Variants in SUGCT observed in about 807,000 individuals in gnomAD.
SUGCT encodes succinyl-CoA:glutarate CoA-transferase.
SUGCT carries 41 observed loss-of-function variants against 55.0 expected under a neutral mutation model. That is an observed-to-expected ratio of 0.74 (90% CI 0.58 to 0.97). SUGCT has a LOEUF of 0.97. SUGCT is among the 50% of genes least tolerant of loss of function. SUGCT has a pLI of 0.00. For synonymous variants in SUGCT, 187 were observed against 200.4 expected, an observed-to-expected ratio of 0.93 and a Z score of 0.56; for missense variants, 568 against 547.8, an observed-to-expected ratio of 1.04 and a Z score of -0.37.
chr7:41,031,376 G>A, the SUGCT span, among the ~76,000 whole-genome samples: 1 of 151,988 alleles, frequency 6.6e-6, no homozygotes, highest in African/African-American at 2.4e-5. Flanking sequence ...AAAAAGGACT[G>A]AGAAAGAAAA....
chr7:40,786,186 G>C (rs1411679198), intron 13 of SUGCT, among the ~76,000 whole-genome samples: 1 of 152,148 alleles, frequency 6.6e-6, no homozygotes, highest in Non-Finnish European at 1.5e-5. Flanking sequence ...AAATATTGAT[G>C]AAGGCTTGTG....
intron 12 of SUGCT, among the ~76,000 whole-genome samples, chr7:40,537,449 G>A (rs1794426527): frequency 6.6e-6 from 1 of 151,966 alleles, no homozygotes; most frequent in Non-Finnish European, 1.5e-5. Context: ...CTAATTACTT[G>A]AACATAATTC....
chr7:40,831,305 C>T (rs1450031927), intron 13 of SUGCT, among the ~76,000 whole-genome samples: 2 of 152,134 alleles, frequency 1.3e-5, no homozygotes, highest in Admixed American at 6.6e-5. Flanking sequence ...GGACTGTTCC[C>T]CAGCACTTTC....
chr7:40,281,147 TG>T (rs1792926303), intron 8 of SUGCT, among the ~76,000 whole-genome samples: 1 of 152,232 alleles, frequency 6.6e-6, no homozygotes, highest in African/African-American at 2.4e-5. Context: ...GAAACATTTT[TG>T]TGTACCCCTA....
At chr7:40,237,597 C>G (rs1789097030) in intron 6 of SUGCT, 38 bp from the exon 7 acceptor site, 1 of 1,510,212 alleles carries the variant, frequency 6.6e-7, no homozygotes, top group Non-Finnish European at 9.2e-7. Context: ...TTAGCACACC[C>G]TGTGTGGTGC....
intron 12 of SUGCT, among the ~76,000 whole-genome samples, chr7:40,562,747 C>T (rs118002219): frequency 1.5e-4 from 23 of 152,132 alleles, no homozygotes; most frequent in Non-Finnish European, 2.6e-4. Context: ...ACCAATTTCA[C>T]GCTAAGGAAA....
intron 13 of SUGCT, among the ~76,000 whole-genome samples, chr7:40,777,882 T>A (rs1422106251): frequency 6.6e-6 from 1 of 152,166 alleles, no homozygotes; most frequent in East Asian, 1.9e-4. Flanking sequence ...CACATCCTTG[T>A]TTGAATCACA....
Position 40,245,404 on chromosome 7 carries a change from C to CATATATATATATATATATATATAT in SUGCT, c.576+7698_576+7699insATATATATATATATATATATATAT, listed in dbSNP as rs202125224. Among the ~76,000 whole-genome samples the CATATATATATATATATATATATAT allele has an allele frequency of 4.4e-3, 234 of 53,048 alleles. 2 individuals carry two copies. The highest frequency in any genetic ancestry group is 9.3e-3 in the South Asian group (10 of 1,080). 34.8% of individuals were successfully genotyped at this position (53,048 alleles called of 152,430 possible). ...TAAATTTTTATAGGTACGTAGTAGACATATATATATATATATATATTTTTT... is the reference window on the plus strand; with the variant it reads ...TAAATTTTTATAGGTACGTAGTAGACATATATATATATATATATATATATATATATATATATATATATATTTTTT... On this transcript the variant is annotated intron_variant, in intron 7 of 13. Coordinates refer to ENST00000335693, the MANE Select transcript of SUGCT (RefSeq NM_001193313.2).
Position 40,274,625 on chromosome 7 carries a change from T to C in SUGCT, c.689T>C (p.Leu230Pro). 6.2e-7 allele frequency: 1 copy of C among 1,613,704 alleles called. No homozygotes were observed. The highest frequency in any genetic ancestry group is 1.1e-5 in the South Asian group (1 of 91,072). ...LIQKYKTGKG[L>P]FIDCNLLSSQ... ...CAAAAATACAAAACTGGGAAAGGAC[T>C]GTTCATTGATTGTAACCTACTGTCA... The change falls in exon 8 of 14, where the codon CTG becomes CCG. Residue 230 changes from leucine (L) to proline (P), a missense_variant. Transcript: ENST00000335693.
chr7:40,215,658 C>T lies in SUGCT; in HGVS notation c.484+20598C>T, dbSNP rs527713466. On this transcript the variant is annotated intron_variant, in intron 6 of 13. Coordinates refer to ENST00000335693, the MANE Select transcript of SUGCT (RefSeq NM_001193313.2). ...CGGGTGGATCACGAGGTCAGGAGATCGAAACCATCCTGGCTAACACGGTGA... is the reference window on the plus strand; with the variant it reads ...CGGGTGGATCACGAGGTCAGGAGATTGAAACCATCCTGGCTAACACGGTGA... Among the ~76,000 whole-genome samples, 17 of 152,038 alleles carry T rather than the reference C, an allele frequency of 1.1e-4. No individual in the cohort carries two copies. The East Asian group carries it at 2.1e-3, about 19-fold the overall frequency.
intron 12 of SUGCT, among the ~76,000 whole-genome samples, chr7:40,707,001 T>C (rs1785449374): frequency 6.6e-6 from 1 of 152,124 alleles, no homozygotes. Context: ...CCCACCCTCA[T>C]TGTCCACCCT....
chr7:40,849,278 T>G (rs1475999019), intron 13 of SUGCT, among the ~76,000 whole-genome samples: 1 of 152,204 alleles, frequency 6.6e-6, no homozygotes, highest in Non-Finnish European at 1.5e-5. Context: ...TTAGGGTATT[T>G]TCCATTTATT....
chr7:40,705,085 A>T (rs1423278376), intron 12 of SUGCT, among the ~76,000 whole-genome samples: 7 of 152,124 alleles, frequency 4.6e-5, no homozygotes, highest in South Asian at 4.1e-4. Context: ...GTTCTTTTTT[A>T]AAAAAGGATT....
At chr7:41,014,480 T>C in the SUGCT span, among the ~76,000 whole-genome samples, 4 of 152,202 alleles carry the variant, frequency 2.6e-5, no homozygotes, top group African/African-American at 9.7e-5. Context: ...TATAATCAAA[T>C]AGCACAATTT....
At chr7:40,408,045 A>G (rs1786476066) in intron 9 of SUGCT, among the ~76,000 whole-genome samples, 1 of 152,164 alleles carries the variant, frequency 6.6e-6, no homozygotes, top group African/African-American at 2.4e-5. Flanking sequence ...GGTAGTCATT[A>G]TGTAAAAAAA....
At chr7:40,958,794 A>C in the SUGCT span, among the ~76,000 whole-genome samples, 1 of 151,946 alleles carries the variant, frequency 6.6e-6, no homozygotes, top group East Asian at 1.9e-4. Flanking sequence ...CCTCATCTTC[A>C]TGGATTTGTC....
chr7:40,451,133 G>A (rs1185950656), intron 10 of SUGCT, among the ~76,000 whole-genome samples: 2 of 152,044 alleles, frequency 1.3e-5, no homozygotes, highest in African/African-American at 4.8e-5. Flanking sequence ...AGTCATTTGC[G>A]TACTCTAACT....
intron 12 of SUGCT, chr7:40,539,694 A>G (rs189626337): frequency 3.3e-5 from 5 of 152,304 alleles, no homozygotes; most frequent in Admixed American, 2.6e-4. Context: ...TAGAATATTG[A>G]ATAAAAGGTG....
chr7:40,777,178 T>C (rs1174551307), intron 13 of SUGCT, among the ~76,000 whole-genome samples: 2 of 152,218 alleles, frequency 1.3e-5, no homozygotes, highest in East Asian at 3.8e-4. Context: ...TTGTTCAGAT[T>C]CATGTTAACC....
Sources: gnomAD v4.1 joint callset for allele counts (sites outside exome capture counted in the v4.1 genomes callset) on GRCh38, gnomAD v4.1.1 for gene constraint, MANE v1.5 for transcripts, NCBI Gene and HGNC (gene_info 2026-07-23, HGNC 2026-07-21) for gene names.